Variants in CELSR1 observed in about 807,000 individuals in gnomAD.
The protein encoded by CELSR1 is cadherin EGF LAG seven-pass G-type receptor 1.
A neutral mutation model predicts 249.1 loss-of-function variants in CELSR1; 110 were observed. The observed-to-expected ratio is 0.44, with a 90% CI of 0.38 to 0.52. The LOEUF (loss-of-function observed/expected upper bound fraction) is 0.52, where lower values mean the gene tolerates loss of function less well. Among genes scored for constraint, CELSR1 ranks in the 20% least tolerant of loss-of-function variants. CELSR1 has a pLI of 0.00. For missense variants in CELSR1, 4,109 were observed against 4,296.4 expected, an observed-to-expected ratio of 0.96 and a Z score of 1.22; for synonymous variants, 2,113 against 1,900.0, an observed-to-expected ratio of 1.11 and a Z score of -2.92.
Position 46,386,531 on chromosome 22 carries a change from C to T in CELSR1, c.6610G>A (p.Glu2204Lys). The T allele has an allele frequency of 6.3e-7, 1 of 1,596,934 alleles. No individual in the cohort carries two copies. Among genetic ancestry groups the T allele is most frequent in the Non-Finnish European group, 8.5e-7 (1 of 1,173,322 alleles). Residue 2204 changes from glutamate to lysine, a missense_variant, in exon 19 of 35, where the codon GAG becomes AAG. Coordinates refer to ENST00000674500, the MANE Select transcript of CELSR1 (RefSeq NM_001378328.1). ...LLAPATRAAW[E>K]QIQRSEGGTA... ...CCGCCCTCGCTCCGCTGGATCTGCT[C>T]CCACGCCGCCCTGGTGGCTGGGGCC...
chr22:46,438,965 C>T (rs566497756), intron 3 of CELSR1, among the ~76,000 whole-genome samples: 4 of 152,278 alleles, frequency 2.6e-5, no homozygotes, highest in South Asian at 2.1e-4. Context: ...GCCATGTTGA[C>T]TAGGCTGGTC....
intron 13 of CELSR1, among the ~76,000 whole-genome samples, chr22:46,394,551 C>T (rs192317212): frequency 1.3e-3 from 201 of 152,338 alleles, no homozygotes; most frequent in Non-Finnish European, 2.1e-3. Flanking sequence ...TGACAATGAA[C>T]CCCCACTGCA....
rs2147666195 is a variant in CELSR1, at chr22:46,481,803, CAG to C, written c.3545-17460_3545-17459del. 13 of 304,650 alleles carry C rather than the reference CAG, an allele frequency of 4.3e-5. No individual in the cohort carries two copies. In the South Asian group the frequency reaches 6.7e-4, roughly 16 times the overall value. The allele number at this position is 304,650 out of a possible 1,614,324, so 18.9% of individuals were successfully genotyped here. A position where few individuals can be genotyped will look rare whatever the true frequency, so the allele number is the denominator to read the frequency against. The stretch of plus-strand genomic sequence containing the variant: ...CTAAATCTTTTTTTTTTTTTTGAAA[CAG>C]AGTCTCACTCTGTTGCCCATGCAGT... On this transcript the variant is annotated intron_variant, in intron 1 of 34. Transcript: ENST00000674500.
intron 1 of CELSR1, chr22:46,481,589 G>A: frequency 2.5e-6 from 2 of 801,312 alleles, no homozygotes; most frequent in Non-Finnish European, 4.3e-6. Flanking sequence ...TCGATGCACT[G>A]GTGCACCTGC....
chr22:46,370,658 C>G (rs546529704), intron 25 of CELSR1, among the ~76,000 whole-genome samples: 1 of 152,310 alleles, frequency 6.6e-6, no homozygotes, highest in Admixed American at 6.5e-5. Flanking sequence ...CTCCTCCCCA[C>G]TCTCCTTATT....
In CELSR1 at chr22:46,430,893, G is replaced by A. The variant is rs912715774; in HGVS notation, c.4611+2500C>T. On this transcript the variant is annotated intron_variant, in intron 5 of 34. Transcript: ENST00000674500. This position sits in a 1 kb window ranked among gnomAD's most constrained non-coding sequence, Gnocchi z 4.6. ...GGAGCAGCAGTACTGTCTCCTTCTCGGGCTGGTGCTCATAATCTCTGCTAA... is the reference window on the plus strand; with the variant it reads ...GGAGCAGCAGTACTGTCTCCTTCTCAGGCTGGTGCTCATAATCTCTGCTAA... Among the ~76,000 whole-genome samples, 2 of 152,154 alleles carry A rather than the reference G, an allele frequency of 1.3e-5. No individual in the cohort carries two copies. The highest frequency in any genetic ancestry group is 6.5e-5 in the Admixed American group (1 of 15,278).
intron 1 of CELSR1, among the ~76,000 whole-genome samples, chr22:46,532,474 G>A (rs1025431912): frequency 2.0e-5 from 3 of 152,238 alleles, no homozygotes; most frequent in South Asian, 2.1e-4. Context: ...GAAGCTGTTA[G>A]CTATCCAACC....
In CELSR1 at chr22:46,364,646, A is replaced by G; in HGVS notation, c.8645T>C (p.Leu2882Pro). ...CACGCTGACCTTGGTCTCCACCTTC[A>G]GGCGGGGCTTGCCGCTGGGGTCCTC... ...DSEDPSGKPR[L>P]KVETKVSVEL... Residue 2882 changes from leucine (L) to proline (P), a missense_variant, in exon 33 of 35, where the codon CTG becomes CCG. By Grantham distance (98) the Leu-to-Pro change is moderately conservative. Coordinates refer to ENST00000674500, the MANE Select transcript of CELSR1 (RefSeq NM_001378328.1). 1.9e-6 allele frequency: 3 copies of G among 1,612,662 alleles called. No homozygotes were observed. Among genetic ancestry groups the G allele is most frequent in the Middle Eastern group, 1.6e-4 (1 of 6,062 alleles).
chr22:46,385,516 C>T (rs1602056647), intron 19 of CELSR1, among the ~76,000 whole-genome samples: 3 of 152,128 alleles, frequency 2.0e-5, no homozygotes, highest in Non-Finnish European at 4.4e-5. Context: ...TAGAGTCTCA[C>T]ACCTGAGGGT....
In CELSR1 at chr22:46,364,286, G is replaced by A. The variant is rs1444346099; in HGVS notation, c.8780-35C>T. 6 of 1,597,394 alleles carry A rather than the reference G, an allele frequency of 3.8e-6. No homozygotes were observed. The South Asian group carries it at 5.5e-5, about 15-fold the overall frequency. ...GGAGACACGGCAAGGTCAAGTCCGGGTGATGCTGCCGGGGGCAGCTGCTGG... is the reference window on the plus strand; with the variant it reads ...GGAGACACGGCAAGGTCAAGTCCGGATGATGCTGCCGGGGGCAGCTGCTGG... On this transcript the variant is annotated intron_variant, in intron 33 of 34. Coordinates refer to ENST00000674500, the MANE Select transcript of CELSR1 (RefSeq NM_001378328.1).
rs1216231598 is a variant in CELSR1, at chr22:46,391,834, A to G, written c.5965-18T>C. 6.2e-7 allele frequency: 1 copy of G among 1,602,480 alleles called. No homozygotes were observed. Among genetic ancestry groups the G allele is most frequent in the Non-Finnish European group, 8.5e-7 (1 of 1,176,894 alleles). On this transcript the variant is annotated intron_variant, in intron 14 of 34. Transcript: ENST00000674500. This position sits in a 1 kb window ranked among gnomAD's most constrained non-coding sequence, Gnocchi z 4.3. ...TAATTCTCCTGCAAAAGCCAGAGGC[A>G]GGGCCTGTGACTTCAGATGCCCGGG...
chr22:46,447,020 G>A lies in CELSR1; in HGVS notation c.4184-7609C>T, dbSNP rs546818603. 2.6e-5 allele frequency among the ~76,000 whole-genome samples: 4 copies of A among 152,064 alleles called. No individual in the cohort carries two copies. The South Asian group carries it at 6.3e-4, about 24-fold the overall frequency. The stretch of plus-strand genomic sequence containing the variant: ...GATAAAGTTAAGCAAAGCGGGAGTG[G>A]ATTACAGTACTGTTTATAGGGAGCT... On this transcript the variant is annotated intron_variant, in intron 2 of 34. Coordinates refer to ENST00000674500, the MANE Select transcript of CELSR1 (RefSeq NM_001378328.1). This position sits in a 1 kb window ranked among gnomAD's most constrained non-coding sequence, Gnocchi z 4.7.
chr22:46,458,501 A>G (rs760991), intron 2 of CELSR1, among the ~76,000 whole-genome samples: 118,336 of 152,204 alleles, frequency 0.78, 46,073 homozygotes, highest in South Asian at 0.85. Flanking sequence ...TCATTAGGTC[A>G]TGGCAAGAGG....
At chr22:46,386,290 G>T (rs1220407166) in intron 19 of CELSR1, 112 bp downstream of exon 19, 1 of 1,220,124 alleles carries the variant, frequency 8.2e-7, no homozygotes, top group Non-Finnish European at 1.1e-6. Flanking sequence ...TTTTCTAAGA[G>T]CATGGCCAAG....
intron 22 of CELSR1, among the ~76,000 whole-genome samples, chr22:46,379,336 C>A (rs1378739356): frequency 1.3e-5 from 2 of 152,152 alleles, no homozygotes. Context: ...CCTGCCCTCG[C>A]AGACTCTGGG....
rs946131854 is a variant in CELSR1 at position 46,527,979 on chromosome 22, CA to C, written c.3544+5647del. ...GCATGATGGCGGGTACCTATAATCC[CA>C]GCTACTTGGGAAGCTGAGGCAGCTG... On this transcript the variant is annotated intron_variant, in intron 1 of 34. Coordinates refer to ENST00000674500, the MANE Select transcript of CELSR1 (RefSeq NM_001378328.1). The surrounding 1 kb of genome is among the most constrained non-coding windows in gnomAD (Gnocchi z 5.5). Among the ~76,000 whole-genome samples the C allele has an allele frequency of 5.2e-4, 79 of 152,058 alleles. No homozygotes were observed. The highest frequency in any genetic ancestry group is 1.9e-3 in the African/African-American group (77 of 41,476).
intron 1 of CELSR1, among the ~76,000 whole-genome samples, chr22:46,513,282 G>C (rs2080592208): frequency 6.6e-6 from 1 of 152,184 alleles, no homozygotes; most frequent in African/African-American, 2.4e-5. Flanking sequence ...ACAGGGAAGA[G>C]TGTTCATGAT....
At chr22:46,531,600 C>G (rs557069407) in intron 1 of CELSR1, among the ~76,000 whole-genome samples, 1 of 152,204 alleles carries the variant, frequency 6.6e-6, no homozygotes, top group Admixed American at 6.5e-5. Context: ...GAGGGGAATG[C>G]GAAGAGCGGG....
intron 1 of CELSR1, among the ~76,000 whole-genome samples, chr22:46,507,318 A>G (rs1047991759): frequency 2.0e-5 from 3 of 152,156 alleles, no homozygotes; most frequent in African/African-American, 7.2e-5. Flanking sequence ...CAGCACCACA[A>G]TGCCTGCTGA....
Sources: gnomAD v4.1 joint callset for allele counts (sites outside exome capture counted in the v4.1 genomes callset) on GRCh38, gnomAD v4.1.1 for gene constraint, Gnocchi (gnomAD v3.1) non-coding constraint, MANE v1.5 for transcripts, NCBI Gene and HGNC (gene_info 2026-07-23, HGNC 2026-07-21) for gene names.